The following SKAP1 variants were observed in gnomAD, a reference collection of about 807,000 sequenced individuals.
SKAP1 encodes the protein src kinase associated phosphoprotein 1.
A neutral mutation model predicts 58.5 loss-of-function variants in SKAP1; 44 were observed. The ratio of observed to expected loss-of-function variants is 0.75; its 90% CI spans 0.59 to 0.97. SKAP1 has a LOEUF of 0.97. Ranked by LOEUF, SKAP1 falls within the 50% of genes least tolerant of loss-of-function variation. The probability of loss-of-function intolerance (pLI) is 0.00; values close to 1 mark genes in which losing one functional copy is unlikely to be tolerated. For missense variants in SKAP1, 390 were observed against 435.2 expected (o/e 0.90, Z 0.92); for synonymous variants, 127 against 149.7 (o/e 0.85, Z 1.11).
chr17:48,438,317 A>T, the SKAP1 span, among the ~76,000 whole-genome samples: 5 of 152,230 alleles, frequency 3.3e-5, no homozygotes, highest in African/African-American at 1.2e-4. Context: ...TGTAAAGTTT[A>T]GTGATTACTG....
At chr17:48,366,008 A>C (rs1201101357) in intron 2 of SKAP1, among the ~76,000 whole-genome samples, 2 of 152,176 alleles carry the variant, frequency 1.3e-5, no homozygotes, top group Non-Finnish European at 2.9e-5. Flanking sequence ...GAAAAACAAC[A>C]ACAAAATAAG....
chr17:48,171,727 A>T, intron 9 of SKAP1, among the ~76,000 whole-genome samples: 1 of 108,976 alleles, frequency 9.2e-6, no homozygotes, highest in Non-Finnish European at 1.9e-5. Flanking sequence ...TAGAGTTAGG[A>T]TGTTAGAGTG....
At chr17:48,238,478 T>A (rs1453445282) in intron 4 of SKAP1, among the ~76,000 whole-genome samples, 1 of 151,980 alleles carries the variant, frequency 6.6e-6, no homozygotes, top group Admixed American at 6.6e-5. Flanking sequence ...CAGCTCACTG[T>A]AGCCTCAACC....
intron 1 of SKAP1, among the ~76,000 whole-genome samples, chr17:48,421,318 T>TA (rs1567908284): frequency 3.1e-5 from 4 of 130,152 alleles, no homozygotes; most frequent in African/African-American, 5.9e-5. Context: ...TTTTTTTTTT[T>TA]AAAGACGAAT....
chr17:48,277,196 C>A (rs2065711490), intron 4 of SKAP1, among the ~76,000 whole-genome samples: 1 of 152,090 alleles, frequency 6.6e-6, no homozygotes, highest in Admixed American at 6.5e-5. Context: ...GTTAGGAAAA[C>A]AAAGTACAAT....
intron 4 of SKAP1, among the ~76,000 whole-genome samples, chr17:48,267,423 G>A (rs934204787): frequency 6.6e-6 from 1 of 152,126 alleles, no homozygotes; most frequent in Admixed American, 6.5e-5. Flanking sequence ...ACACTTTAAT[G>A]TTGAATATGC....
At chr17:48,139,310 T>C (rs2063740175) in intron 11 of SKAP1, among the ~76,000 whole-genome samples, 1 of 100,096 alleles carries the variant, frequency 1.0e-5, no homozygotes, top group African/African-American at 2.9e-5. Flanking sequence ...GCCTCCTGAG[T>C]AGCTGGGACT....
chr17:48,180,118 C>A lies in SKAP1; in HGVS notation c.762G>T (p.Gly254=), dbSNP rs1431752476. The change falls in exon 9 of 13, where the codon GGG becomes GGT. Residue 254 remains glycine (G), a synonymous_variant. Transcript: ENST00000336915. ...GSQCRPTILP[G]SVGIKEPTEE... is the part of the protein sequence containing the mutation. Reference sequence around the variant, plus strand: ...CTGTAGGCTCTTTTATCCCCACACTCCCAGGCAAGATAGTGGGTCTGCACT... The same window carrying A: ...CTGTAGGCTCTTTTATCCCCACACTACCAGGCAAGATAGTGGGTCTGCACT... 6.2e-7 allele frequency: 1 copy of A among 1,613,828 alleles called. No homozygotes were observed. Among genetic ancestry groups the A allele is most frequent in the Non-Finnish European group, 8.5e-7 (1 of 1,179,906 alleles).
At chr17:48,398,203 C>G (rs915139566) in intron 1 of SKAP1, among the ~76,000 whole-genome samples, 3 of 152,174 alleles carry the variant, frequency 2.0e-5, no homozygotes, top group Non-Finnish European at 2.9e-5. Flanking sequence ...CAGCTGGTCC[C>G]CATCACTTGC....
chr17:48,341,636 C>A (rs2066654374), intron 4 of SKAP1, among the ~76,000 whole-genome samples: 1 of 152,108 alleles, frequency 6.6e-6, no homozygotes, highest in South Asian at 2.1e-4. Flanking sequence ...CCTTTTAAAT[C>A]AACAAGTATG....
intron 12 of SKAP1, among the ~76,000 whole-genome samples, chr17:48,134,717 A>T (rs927065277): frequency 6.0e-5 from 9 of 150,700 alleles, no homozygotes; most frequent in Admixed American, 2.0e-4. Flanking sequence ...ATTTTTATTT[A>T]TTTTTTTTGA....
At chr17:48,171,689 CA>C (rs977502724) in intron 9 of SKAP1, among the ~76,000 whole-genome samples, 1 of 151,952 alleles carries the variant, frequency 6.6e-6, no homozygotes, top group African/African-American at 2.4e-5. Flanking sequence ...TATCTCTATG[CA>C]AGCATTCTCT....
At chr17:48,316,232 CTG>C (rs1298257186) in intron 4 of SKAP1, among the ~76,000 whole-genome samples, 1 of 152,194 alleles carries the variant, frequency 6.6e-6, no homozygotes, top group East Asian at 1.9e-4. Context: ...TTAGTCCTTT[CTG>C]TCTCTTCAAT....
intron 9 of SKAP1, among the ~76,000 whole-genome samples, chr17:48,175,139 G>A (rs1160467830): frequency 6.6e-6 from 1 of 152,170 alleles, no homozygotes; most frequent in Admixed American, 6.5e-5. Flanking sequence ...ATGACACCTG[G>A]CTATTTTCTG....
chr17:48,260,895 C>T (rs1042614247), intron 4 of SKAP1, among the ~76,000 whole-genome samples: 3 of 152,064 alleles, frequency 2.0e-5, no homozygotes, highest in African/African-American at 7.2e-5. Context: ...AAACAAATGC[C>T]ACGTTCTTAG....
chr17:48,426,806 A>G (rs529909830), intron 1 of SKAP1, among the ~76,000 whole-genome samples: 31 of 151,192 alleles, frequency 2.1e-4, no homozygotes, highest in Non-Finnish European at 2.9e-4. Flanking sequence ...TACTCTAGAA[A>G]CCTCACACTG....
At chr17:48,382,123 G>C (rs959951995) in intron 2 of SKAP1, among the ~76,000 whole-genome samples, 2 of 151,332 alleles carry the variant, frequency 1.3e-5, no homozygotes, top group Non-Finnish European at 2.9e-5. Flanking sequence ...GAAAGCTCTT[G>C]ACACTGAGCC....
In SKAP1 at chr17:48,240,584, C is replaced by T. The variant is rs185000629; in HGVS notation, c.281-51084G>A. 7.2e-5 allele frequency among the ~76,000 whole-genome samples: 11 copies of T among 152,266 alleles called. No homozygotes were observed. The East Asian group carries it at 2.1e-3, about 29-fold the overall frequency. ...AGACAAGGGATTTAAACCTCAGCAG[C>T]CTCAAAAACCTGAGGTTGTATGAGA... On this transcript the variant is annotated intron_variant, in intron 4 of 12. Coordinates refer to ENST00000336915, the MANE Select transcript of SKAP1 (RefSeq NM_003726.4).
the SKAP1 span, among the ~76,000 whole-genome samples, chr17:48,442,090 T>C: frequency 1.2e-4 from 19 of 152,098 alleles, no homozygotes; most frequent in African/African-American, 4.6e-4. Flanking sequence ...GAAGTTCCTT[T>C]TAGTGTTTTA....
Sources: allele counts gnomAD v4.1 joint callset (sites outside exome capture counted in the v4.1 genomes callset), GRCh38; gene constraint gnomAD v4.1.1; transcripts MANE v1.5; gene names NCBI Gene and HGNC (gene_info 2026-07-23, HGNC 2026-07-21).